The following CAMTA1 variants were observed in gnomAD, a reference collection of about 807,000 sequenced individuals.
CAMTA1 encodes the protein calmodulin binding transcription activator 1, also known as calmodulin-binding transcription activator 1.
CAMTA1 carries 27 observed loss-of-function variants against 170.9 expected under a neutral mutation model. That is an observed-to-expected ratio of 0.16 (90% CI 0.12 to 0.22). CAMTA1 has a LOEUF of 0.22. CAMTA1 is among the 10% of genes least tolerant of loss of function. The pLI is 1.00. For missense variants in CAMTA1, 1,619 were observed against 2,217.2 expected, an observed-to-expected ratio of 0.73 and a Z score of 5.42; for synonymous variants, 833 against 891.5, an observed-to-expected ratio of 0.93 and a Z score of 1.17.
At chr1:7,702,272 G>A (rs1221572380) in intron 11 of CAMTA1, among the ~76,000 whole-genome samples, 1 of 152,156 alleles carries the variant, frequency 6.6e-6, no homozygotes, top group Non-Finnish European at 1.5e-5. Flanking sequence ...GGGGTCATGG[G>A]TACCCCTGAG....
chr1:7,731,849 G>A (rs529008908), intron 11 of CAMTA1, among the ~76,000 whole-genome samples: 81 of 152,304 alleles, frequency 5.3e-4, no homozygotes, highest in African/African-American at 1.9e-3. Context: ...ATGCACTCCA[G>A]TCTGGGCGAC....
chr1:7,397,362 A>G (rs2089406519), intron 5 of CAMTA1, among the ~76,000 whole-genome samples: 1 of 151,394 alleles, frequency 6.6e-6, no homozygotes, highest in South Asian at 2.1e-4. Context: ...GATTTTTTTT[A>G]AATTTGAGTT....
chr1:6,901,386 TC>T (rs1423457452), intron 3 of CAMTA1, among the ~76,000 whole-genome samples: 3 of 152,098 alleles, frequency 2.0e-5, no homozygotes, highest in African/African-American at 7.2e-5. Flanking sequence ...ACATCAGACT[TC>T]CTAGAAATTA....
intron 5 of CAMTA1, among the ~76,000 whole-genome samples, chr1:7,364,445 CTCT>C (rs1037940619): frequency 1.1e-5 from 1 of 94,774 alleles, no homozygotes; most frequent in African/African-American, 2.9e-5. Flanking sequence ...TCCCTTGTGA[CTCT>C]TTTTTTTTTT....
Position 7,665,730 on chromosome 1 carries a change from AAGTC to A in CAMTA1, c.2652+534_2652+537del, listed in dbSNP as rs1209688162. Among the ~76,000 whole-genome samples, 4 of 152,016 alleles carry A rather than the reference AAGTC, an allele frequency of 2.6e-5. No individual in the cohort carries two copies. The highest frequency in any genetic ancestry group is 2.6e-4 in the Admixed American group (4 of 15,274). On this transcript the variant is annotated intron_variant, in intron 9 of 22. Coordinates refer to ENST00000303635, the MANE Select transcript of CAMTA1 (RefSeq NM_015215.4). This position sits in a 1 kb window ranked among gnomAD's most constrained non-coding sequence, Gnocchi z 4.3. The stretch of plus-strand genomic sequence containing the variant: ...ACCCTGTCTCAAAAAAAAAGAGAGA[AAGTC>A]AGGGTATCCTTGGAAGCAAAATGCT...
At position 7,364,635 on chromosome 1, in the gene CAMTA1, T is replaced by C. The variant is rs555734391; in HGVS notation, c.439-103195T>C. Among the ~76,000 whole-genome samples, 102 of 152,170 alleles carry C rather than the reference T, an allele frequency of 6.7e-4. 1 individual carries two copies. Among genetic ancestry groups the C allele is most frequent in the African/African-American group, 2.3e-3 (97 of 41,520 alleles). ...GTGAAGGAGGCTGCAGCTGCAGATATGGGATGGTGGGAGGCTTCCCTGAGG... is the reference window on the plus strand; with the variant it reads ...GTGAAGGAGGCTGCAGCTGCAGATACGGGATGGTGGGAGGCTTCCCTGAGG... On this transcript the variant is annotated intron_variant, in intron 5 of 22. Coordinates refer to ENST00000303635, the MANE Select transcript of CAMTA1 (RefSeq NM_015215.4).
At chr1:6,983,988 A>AGATG (rs908359331) in intron 3 of CAMTA1, among the ~76,000 whole-genome samples, 1 of 82,456 alleles carries the variant, frequency 1.2e-5, no homozygotes, top group African/African-American at 4.7e-5. Flanking sequence ...ATGAGTGGAT[A>AGATG]GATGGATGGA....
intron 4 of CAMTA1, among the ~76,000 whole-genome samples, chr1:7,203,926 G>T (rs1280527505): frequency 6.6e-6 from 1 of 151,058 alleles, no homozygotes; most frequent in Non-Finnish European, 1.5e-5. Context: ...CCGCCTCCCG[G>T]GTTCATGCCA....
At position 6,990,779 on chromosome 1, in the gene CAMTA1, CTCTCTG is replaced by C. The variant is rs1439669707; in HGVS notation, c.235-100519_235-100514del. ...AATTCATATAACATGTACTTTCTCT[CTCTCTG>C]TCTCTCTCTCTCTCTCTCTCTATAT... is the stretch of plus-strand genomic sequence containing the variant. On this transcript the variant is annotated intron_variant, in intron 3 of 22. Coordinates refer to ENST00000303635, the MANE Select transcript of CAMTA1 (RefSeq NM_015215.4). 7.6e-3 allele frequency among the ~76,000 whole-genome samples: 931 copies of C among 122,576 alleles called. 5 individuals are homozygous for C. Among genetic ancestry groups the C allele is most frequent in the African/African-American group, 0.021 (623 of 29,252 alleles). 80.4% of individuals were successfully genotyped at this position (122,576 alleles called of 152,430 possible).
intron 3 of CAMTA1, among the ~76,000 whole-genome samples, chr1:6,868,365 AG>A (rs1195968341): frequency 6.8e-6 from 1 of 147,720 alleles, no homozygotes; most frequent in Non-Finnish European, 1.5e-5. Flanking sequence ...ACGACTGTAT[AG>A]GGTTAAAAAA....
At chr1:7,367,133 A>T (rs528710485) in intron 5 of CAMTA1, among the ~76,000 whole-genome samples, 6 of 152,182 alleles carry the variant, frequency 3.9e-5, no homozygotes, top group Non-Finnish European at 5.9e-5. Context: ...AGAGACGGGG[A>T]GTTGGCTGGG....
Position 7,768,676 on chromosome 1 carries a change from G to GA in CAMTA1, c.*2186dup, listed in dbSNP as rs1335236350. ...TGTCTTTCTGCTTGTGATCAGCTTTGACAACAGTGACAGCCCCACAACTAG... is the reference window on the plus strand; with the variant it reads ...TGTCTTTCTGCTTGTGATCAGCTTTGAACAACAGTGACAGCCCCACAACTAG... On this transcript the variant is annotated 3_prime_UTR_variant, in exon 23 of 23. Coordinates refer to ENST00000303635, the MANE Select transcript of CAMTA1 (RefSeq NM_015215.4). 1 of 152,386 alleles carries GA rather than the reference G, an allele frequency of 6.6e-6. No individual in the cohort carries two copies. The highest frequency in any genetic ancestry group is 1.5e-5 in the Non-Finnish European group (1 of 67,990). 9.4% of individuals were successfully genotyped at this position (152,386 alleles called of 1,614,324 possible).
chr1:7,304,836 A>G (rs1574549892), intron 5 of CAMTA1, among the ~76,000 whole-genome samples: 1 of 151,666 alleles, frequency 6.6e-6, no homozygotes, highest in Non-Finnish European at 1.5e-5. Flanking sequence ...GCTTTTTAAT[A>G]TTTTTTCTAG....
At chr1:6,941,132 C>A (rs75134336) in intron 3 of CAMTA1, among the ~76,000 whole-genome samples, 14,313 of 152,108 alleles carry the variant, frequency 0.094, 973 homozygotes, top group East Asian at 0.22. Flanking sequence ...ACTTCCAGTC[C>A]CTGGTGTTTC....
In CAMTA1 at chr1:7,093,950, C is replaced by T. The variant is rs957431081; in HGVS notation, c.302+2579C>T. Among the ~76,000 whole-genome samples the T allele has an allele frequency of 6.6e-6, 1 of 152,174 alleles. No individual in the cohort carries two copies. The highest frequency in any genetic ancestry group is 1.5e-5 in the Non-Finnish European group (1 of 68,038). On this transcript the variant is annotated intron_variant, in intron 4 of 22. Transcript: ENST00000303635. The surrounding 1 kb of genome is among the most constrained non-coding windows in gnomAD (Gnocchi z 4.6). The stretch of plus-strand genomic sequence containing the variant: ...TCACGATGAGGATTGAATGTGGTCA[C>T]GTTTCTGATTCTGCTTCCCATGCCG...
chr1:7,263,686 CCTT>C (rs1346061193), intron 5 of CAMTA1, among the ~76,000 whole-genome samples: 1 of 152,066 alleles, frequency 6.6e-6, no homozygotes, highest in Non-Finnish European at 1.5e-5. Flanking sequence ...CAGTAGAGTT[CCTT>C]CTTCCACTTT....
At chr1:7,029,847 CAT>C (rs1419331896) in intron 3 of CAMTA1, among the ~76,000 whole-genome samples, 5 of 152,118 alleles carry the variant, frequency 3.3e-5, no homozygotes, top group African/African-American at 7.2e-5. Flanking sequence ...ACATAAATAA[CAT>C]ATTGTTTAAT....
rs2095297937 is a variant in CAMTA1, at chr1:7,585,084, A to C, written c.511-55316A>C. Reference sequence around the variant, plus strand: ...TCTGCAGCAAAATTTATGAATATTCACACAAAGAGGGATGAACTGAGACTA... The same window carrying C: ...TCTGCAGCAAAATTTATGAATATTCCCACAAAGAGGGATGAACTGAGACTA... On this transcript the variant is annotated intron_variant, in intron 6 of 22. Transcript: ENST00000303635. The surrounding 1 kb of genome is among the most constrained non-coding windows in gnomAD (Gnocchi z 4.8). Among the ~76,000 whole-genome samples the C allele has an allele frequency of 6.6e-6, 1 of 152,186 alleles. No individual in the cohort carries two copies. Among genetic ancestry groups the C allele is most frequent in the Non-Finnish European group, 1.5e-5 (1 of 68,038 alleles).
Position 7,325,893 on chromosome 1 carries a change from C to G in CAMTA1, c.438+76267C>G, listed in dbSNP as rs1355194414. On this transcript the variant is annotated intron_variant, in intron 5 of 22. Transcript: ENST00000303635. The surrounding 1 kb of genome is among the most constrained non-coding windows in gnomAD (Gnocchi z 5.0). Reference sequence around the variant, plus strand: ...TTGTTTTATGAGGCAGAGTCTCGCTCTGTTGCCCAGGCTGGAGGGCAGTGG... The same window carrying G: ...TTGTTTTATGAGGCAGAGTCTCGCTGTGTTGCCCAGGCTGGAGGGCAGTGG... Among the ~76,000 whole-genome samples the G allele has an allele frequency of 6.6e-6, 1 of 152,130 alleles. No individual in the cohort carries two copies. Among genetic ancestry groups the G allele is most frequent in the Non-Finnish European group, 1.5e-5 (1 of 68,030 alleles).
Sources: allele counts gnomAD v4.1 joint callset (sites outside exome capture counted in the v4.1 genomes callset), GRCh38; gene constraint gnomAD v4.1.1; non-coding constraint Gnocchi (gnomAD v3.1); transcripts MANE v1.5; gene names NCBI Gene and HGNC (gene_info 2026-07-23, HGNC 2026-07-21).